The following FBXW7 variants were observed in gnomAD, a reference collection of about 807,000 sequenced individuals.
FBXW7 encodes F-box and WD repeat domain containing 7.
In FBXW7, 11 loss-of-function variants were observed where a neutral mutation model predicts 86.3. That is an observed-to-expected ratio of 0.13 (90% CI 0.08 to 0.21). The LOEUF is 0.21. Ranked by LOEUF, FBXW7 falls within the 10% of genes least tolerant of loss-of-function variation. The pLI, the probability that FBXW7 is intolerant of heterozygous loss-of-function variation, is 1.00. For synonymous variants in FBXW7, 313 were observed against 297.9 expected, an observed-to-expected ratio of 1.05 and a Z score of -0.52; for missense variants, 488 against 847.4, an observed-to-expected ratio of 0.58 and a Z score of 5.27.
At chr4:152,477,543 G>A (rs1432426393) in intron 2 of FBXW7, among the ~76,000 whole-genome samples, 1 of 152,050 alleles carries the variant, frequency 6.6e-6, no homozygotes, top group African/African-American at 2.4e-5. Context: ...GGAAAAAATA[G>A]TAAACCCCAA....
At chr4:152,334,915 CA>C (rs1005782540) in intron 7 of FBXW7, among the ~76,000 whole-genome samples, 1 of 151,720 alleles carries the variant, frequency 6.6e-6, no homozygotes, top group African/African-American at 2.4e-5. Context: ...CAAAGCAAAA[CA>C]AAAAAATATG....
chr4:152,382,648 G>A (rs1735197143), intron 4 of FBXW7: 4 of 235,312 alleles, frequency 1.7e-5, no homozygotes, highest in South Asian at 3.4e-4. Flanking sequence ...AACCAAAGCA[G>A]GGCTGTGCTG....
intron 4 of FBXW7, among the ~76,000 whole-genome samples, chr4:152,372,863 A>G (rs919463655): frequency 2.6e-5 from 4 of 152,032 alleles, no homozygotes; most frequent in Non-Finnish European, 4.4e-5. Context: ...TTACAGATTT[A>G]TAAATCATGT....
At chr4:152,486,882 A>G (rs1352911468) in intron 2 of FBXW7, among the ~76,000 whole-genome samples, 1 of 152,162 alleles carries the variant, frequency 6.6e-6, no homozygotes, top group Non-Finnish European at 1.5e-5. Flanking sequence ...ACATCACTAC[A>G]AACATGTAAT....
chr4:152,459,865 C>A (rs955104927), intron 2 of FBXW7, among the ~76,000 whole-genome samples: 1 of 152,084 alleles, frequency 6.6e-6, no homozygotes, highest in Non-Finnish European at 1.5e-5. Flanking sequence ...CCATGGATGA[C>A]CACAGATAAC....
chr4:152,357,867 C>A (rs1357235583), intron 4 of FBXW7, among the ~76,000 whole-genome samples: 2 of 152,074 alleles, frequency 1.3e-5, no homozygotes, highest in Non-Finnish European at 2.9e-5. Context: ...TCTATTTATG[C>A]CAGCCACAGA....
At chr4:152,437,676 C>T (rs1052235494) in intron 2 of FBXW7, among the ~76,000 whole-genome samples, 3 of 152,180 alleles carry the variant, frequency 2.0e-5, no homozygotes, top group African/African-American at 7.2e-5. Flanking sequence ...AACAGCATCA[C>T]ACGCTACAGA....
At chr4:152,494,996 G>A (rs916692084) in intron 2 of FBXW7, among the ~76,000 whole-genome samples, 4 of 151,922 alleles carry the variant, frequency 2.6e-5, no homozygotes, top group East Asian at 1.9e-4. Context: ...ACAGCTTCAG[G>A]GTACAGAGTT....
At chr4:152,484,717 T>C (rs1377311595) in intron 2 of FBXW7, among the ~76,000 whole-genome samples, 3 of 152,160 alleles carry the variant, frequency 2.0e-5, no homozygotes, top group Admixed American at 2.0e-4. Flanking sequence ...ATCCCAGCAC[T>C]TTGGGAGGCC....
Position 152,337,792 on chromosome 4 carries a change from T to C in FBXW7, c.861+10A>G. 1 of 1,600,574 alleles carries C rather than the reference T, an allele frequency of 6.2e-7. No homozygotes were observed. The highest frequency in any genetic ancestry group is 2.2e-5 in the East Asian group (1 of 44,658). ...AACACCCAATGAAGAATGTAATTGA[T>C]AATCTTTACCTCTTTAGGGAGCAAT... is the stretch of plus-strand genomic sequence containing the variant. On this transcript the variant is annotated intron_variant, in intron 7 of 13. Coordinates refer to ENST00000281708, the MANE Select transcript of FBXW7 (RefSeq NM_001349798.2).
chr4:152,511,454 T>C (rs1412888964), intron 2 of FBXW7, among the ~76,000 whole-genome samples: 3 of 152,170 alleles, frequency 2.0e-5, no homozygotes, highest in African/African-American at 7.2e-5. Context: ...TCTTCCTTTA[T>C]GCTTAAAAAT....
At chr4:152,331,083 T>C (rs558596688) in intron 8 of FBXW7, among the ~76,000 whole-genome samples, 1 of 152,166 alleles carries the variant, frequency 6.6e-6, no homozygotes, top group East Asian at 1.9e-4. Flanking sequence ...CACTATTTCA[T>C]TTCTCAAAAT....
intron 2 of FBXW7, among the ~76,000 whole-genome samples, chr4:152,520,725 G>T (rs1400621258): frequency 1.3e-5 from 2 of 152,096 alleles, no homozygotes; most frequent in Non-Finnish European, 2.9e-5. Context: ...TGTGAAAAAG[G>T]AATCAGCCAA....
At chr4:152,384,269 T>G (rs918848588) in intron 4 of FBXW7, among the ~76,000 whole-genome samples, 4 of 151,998 alleles carry the variant, frequency 2.6e-5, no homozygotes, top group African/African-American at 9.7e-5. Flanking sequence ...AGCCAAAAGG[T>G]AGAAGCAACT....
intron 4 of FBXW7, among the ~76,000 whole-genome samples, chr4:152,398,616 C>T (rs994286653): frequency 3.3e-5 from 5 of 152,070 alleles, no homozygotes; most frequent in African/African-American, 1.2e-4. Flanking sequence ...AGAATGGGGT[C>T]GTGTCTACGA....
intron 2 of FBXW7, among the ~76,000 whole-genome samples, chr4:152,503,339 C>G (rs1227458809): frequency 1.3e-5 from 2 of 151,964 alleles, no homozygotes; most frequent in South Asian, 2.1e-4. Flanking sequence ...GGCGCAATCT[C>G]GGCTCACTGC....
chr4:152,488,423 G>C (rs760132752), intron 2 of FBXW7, among the ~76,000 whole-genome samples: 1 of 151,944 alleles, frequency 6.6e-6, no homozygotes, highest in Non-Finnish European at 1.5e-5. Context: ...CAGCTCTTTG[G>C]AACGACAATG....
chr4:152,337,764 A>G (rs866930662), intron 7 of FBXW7, 38 bp downstream of exon 7: 1 of 1,580,266 alleles, frequency 6.3e-7, no homozygotes, highest in South Asian at 1.2e-5. Flanking sequence ...TATATATTCA[A>G]ATAACACCCA....
chr4:152,378,075 G>T (rs554722554), intron 4 of FBXW7, among the ~76,000 whole-genome samples: 1 of 152,250 alleles, frequency 6.6e-6, no homozygotes, highest in African/African-American at 2.4e-5. Context: ...AAGGCAGAGA[G>T]AGCTGAGTGC....
Sources: allele counts gnomAD v4.1 joint callset (sites outside exome capture counted in the v4.1 genomes callset), GRCh38; gene constraint gnomAD v4.1.1; transcripts MANE v1.5; gene names NCBI Gene and HGNC (gene_info 2026-07-23, HGNC 2026-07-21).